The following ZNF438 variants were observed in gnomAD, a reference collection of about 807,000 sequenced individuals.
ZNF438 encodes zinc finger protein 438.
Under a neutral mutation model 38.0 loss-of-function variants are expected in ZNF438, and 25 were observed. The ratio of observed to expected loss-of-function variants is 0.66; its 90% CI spans 0.48 to 0.92. ZNF438 has a LOEUF of 0.92. ZNF438 is among the 40% of genes least tolerant of loss of function. The probability of loss-of-function intolerance (pLI) is 0.00; values close to 1 mark genes in which losing one functional copy is unlikely to be tolerated. For synonymous variants in ZNF438, 372 were observed against 364.1 expected (o/e 1.02, Z -0.25); for missense variants, 1,007 against 999.6 (o/e 1.01, Z -0.10).
At chr10:31,002,042 G>A (rs893727662) in intron 1 of ZNF438, among the ~76,000 whole-genome samples, 6 of 152,220 alleles carry the variant, frequency 3.9e-5, no homozygotes, top group Non-Finnish European at 5.9e-5. Flanking sequence ...AAGATGAGAC[G>A]TAAGAATTTA....
At chr10:30,857,688 G>T in intron 4 of ZNF438, 1 of 1,506,126 alleles carries the variant, frequency 6.6e-7, no homozygotes, top group Non-Finnish European at 9.0e-7. Flanking sequence ...ACTATCCATA[G>T]GACTCTGAGA....
At position 31,007,044 on chromosome 10, in the gene ZNF438, T is replaced by C. The variant is rs970604115; in HGVS notation, c.-192+24789A>G. 4.2e-4 allele frequency among the ~76,000 whole-genome samples: 64 copies of C among 151,936 alleles called. 1 individual carries two copies. Among genetic ancestry groups the C allele is most frequent in the Admixed American group, 1.1e-3 (17 of 15,242 alleles). ...AGAATTAAAACCAGAAAAATGGCAC[T>C]GTGAGAAAGATTTGCCCAGCCACTG... On this transcript the variant is annotated intron_variant, in intron 1 of 5. Coordinates refer to ENST00000413025, the Ensembl canonical transcript of ZNF438.
rs116556165 is a variant in ZNF438 at position 30,861,228 on chromosome 10, C to A, written c.38-10861G>T. Among the ~76,000 whole-genome samples the A allele has an allele frequency of 6.2e-3, 945 of 152,226 alleles. 20 individuals carry two copies. Among genetic ancestry groups the A allele is most frequent in the African/African-American group, 0.021 (885 of 41,534 alleles). On this transcript the variant is annotated intron_variant, in intron 4 of 5. Transcript: ENST00000413025. ...ACCTCCTCCTGTATACCCCAAATCA[C>A]CTTTAGACTGCTTTTAATACCTAGT...
At chr10:30,877,111 A>G (rs1298209226) in intron 3 of ZNF438, 46 bp from the exon 5 acceptor site, 11 of 1,234,636 alleles carry the variant, frequency 8.9e-6, no homozygotes, top group Admixed American at 8.7e-5. Flanking sequence ...TAATTGAGAG[A>G]GCATGTTAAT....
intron 1 of ZNF438, among the ~76,000 whole-genome samples, chr10:30,945,388 CTT>C (rs61149961): frequency 6.0e-4 from 84 of 141,090 alleles, no homozygotes; most frequent in Middle Eastern, 3.6e-3. Context: ...GATTCTTTTA[CTT>C]TTTTTTTTTT....
Position 30,984,385 on chromosome 10 carries a change from CT to C in ZNF438, c.-191-42735del, listed in dbSNP as rs1162848193. On this transcript the variant is annotated intron_variant, in intron 1 of 5. The change creates a premature stop within an existing upstream ORF in the 5' untranslated region. Transcript: ENST00000413025. ...GTCACTTACCTATATCCCAAGGCTC[CT>C]GTAGAGTCATAAGATATACCGTAAA... 1 of 152,126 alleles carries C rather than the reference CT, an allele frequency of 6.6e-6. No individual in the cohort carries two copies. The highest frequency in any genetic ancestry group is 6.6e-5 in the Admixed American group (1 of 15,264). The allele number at this position is 152,126 out of a possible 1,614,324, so 9.4% of individuals were successfully genotyped here. A position where few individuals can be genotyped will look rare whatever the true frequency, so the allele number is the denominator to read the frequency against.
intron 4 of ZNF438, among the ~76,000 whole-genome samples, chr10:30,874,147 T>TATATATATATATACATAC (rs2038028937): frequency 3.9e-5 from 3 of 76,844 alleles, no homozygotes; most frequent in African/African-American, 2.3e-4. Context: ...TATATATATA[T>TATATATATATATACATAC]ATATATATAT....
chr10:30,880,436 A>G (rs1260127899), intron 3 of ZNF438, among the ~76,000 whole-genome samples: 4 of 151,188 alleles, frequency 2.6e-5, no homozygotes, highest in African/African-American at 9.7e-5. Flanking sequence ...TATCTAAAAA[A>G]AAAAAAAAAA....
chr10:30,852,844 T>C (rs764222610), intron 4 of ZNF438, among the ~76,000 whole-genome samples: 2 of 152,230 alleles, frequency 1.3e-5, no homozygotes, highest in Non-Finnish European at 2.9e-5. Flanking sequence ...AATTGAGTGG[T>C]AAATCACTTG....
At chr10:30,846,336 G>A (rs1276529748) in intron 5 of ZNF438, among the ~76,000 whole-genome samples, 1 of 152,258 alleles carries the variant, frequency 6.6e-6, no homozygotes, top group African/African-American at 2.4e-5. Flanking sequence ...GTTCATTTGT[G>A]CAGGGTTGGC....
At chr10:31,029,866 C>A (rs1483726372) in intron 1 of ZNF438, among the ~76,000 whole-genome samples, 2 of 152,370 alleles carry the variant, frequency 1.3e-5, no homozygotes, top group South Asian at 4.1e-4. Context: ...TGGACCACCT[C>A]AGAGCATTGT....
chr10:31,019,823 A>C (rs2056464117), intron 1 of ZNF438, among the ~76,000 whole-genome samples: 1 of 152,216 alleles, frequency 6.6e-6, no homozygotes, highest in African/African-American at 2.4e-5. Flanking sequence ...AACCTTAACA[A>C]GGTATCTGTA....
chr10:30,877,052 G>C, exon 4 of ZNF438: 1 of 1,597,002 alleles, frequency 6.3e-7, no homozygotes, highest in Non-Finnish European at 8.5e-7. Flanking sequence ...TACTGGACTT[G>C]AATAGTATCT....
rs115241153 is a variant in ZNF438, at chr10:30,896,924, A to C, written c.-32+12009T>G. Reference sequence around the variant, plus strand: ...TGTAAACAATATTAAGTTTAGGCAAAAATGGCAATCACTCAGGGTGTTTTA... The same window carrying C: ...TGTAAACAATATTAAGTTTAGGCAACAATGGCAATCACTCAGGGTGTTTTA... On this transcript the variant is annotated intron_variant, in intron 3 of 5. Coordinates refer to ENST00000413025, the Ensembl canonical transcript of ZNF438. Among the ~76,000 whole-genome samples, 624 of 152,352 alleles carry C rather than the reference A, an allele frequency of 4.1e-3. 4 individuals are homozygous for C. The highest frequency in any genetic ancestry group is 0.014 in the African/African-American group (570 of 41,574).
intron 3 of ZNF438, among the ~76,000 whole-genome samples, chr10:30,897,023 AT>A (rs1473112590): frequency 6.6e-6 from 1 of 152,214 alleles, no homozygotes; most frequent in African/African-American, 2.4e-5. Context: ...GTAAAGAAAA[AT>A]GATAAAACTA....
chr10:30,863,600 C>T (rs1158689478), intron 4 of ZNF438, among the ~76,000 whole-genome samples: 3 of 152,232 alleles, frequency 2.0e-5, no homozygotes, highest in Non-Finnish European at 4.4e-5. Flanking sequence ...TATCTATTCT[C>T]ATCCACAGAT....
At chr10:30,910,079 T>G (rs2134521384) in intron 2 of ZNF438, among the ~76,000 whole-genome samples, 1 of 152,284 alleles carries the variant, frequency 6.6e-6, no homozygotes, top group Non-Finnish European at 1.5e-5. Flanking sequence ...AAAAGCAAGC[T>G]CCTGAAGCTC....
intron 1 of ZNF438, among the ~76,000 whole-genome samples, chr10:30,949,997 A>AG (rs1158353305): frequency 2.0e-5 from 3 of 152,248 alleles, no homozygotes; most frequent in African/African-American, 7.2e-5. Context: ...CATACTTGGT[A>AG]GTAAAGCTCT....
At chr10:30,957,310 T>C (rs2048969524) in intron 1 of ZNF438, among the ~76,000 whole-genome samples, 1 of 152,220 alleles carries the variant, frequency 6.6e-6, no homozygotes, top group Non-Finnish European at 1.5e-5. Flanking sequence ...GTCAGATGTG[T>C]AGTTAGCTAA....
Sources: gnomAD v4.1 joint callset for allele counts (sites outside exome capture counted in the v4.1 genomes callset) on GRCh38, gnomAD v4.1.1 for gene constraint, MANE v1.5 for transcripts, NCBI Gene and HGNC (gene_info 2026-07-23, HGNC 2026-07-21) for gene names.